Variants in FGF1 observed in about 807,000 individuals in gnomAD.
FGF1 encodes beta-endothelial cell growth factor.
FGF1 carries 9 observed loss-of-function variants against 13.4 expected under a neutral mutation model. The observed-to-expected ratio is 0.67, with a 90% CI of 0.40 to 1.17. FGF1 has a LOEUF of 1.17. FGF1 is among the 50% of genes most tolerant of loss of function. The pLI, the probability that FGF1 is intolerant of heterozygous loss-of-function variation, is 0.01. For missense variants in FGF1, 156 were observed against 192.7 expected, an observed-to-expected ratio of 0.81 and a Z score of 1.13; for synonymous variants, 93 against 79.0, an observed-to-expected ratio of 1.18 and a Z score of -0.94.
chr5:142,653,612 T>A (rs995412045), intron 1 of FGF1, among the ~76,000 whole-genome samples: 1 of 152,198 alleles, frequency 6.6e-6, no homozygotes, highest in Non-Finnish European at 1.5e-5. Context: ...CTACAGCGAA[T>A]TAACCCTGAC....
chr5:142,692,493 C>G (rs1224703251), intron 2 of FGF1, among the ~76,000 whole-genome samples: 2 of 152,098 alleles, frequency 1.3e-5, no homozygotes, highest in Non-Finnish European at 2.9e-5. Context: ...TCAGGCCTCC[C>G]CTGTAATGAT....
At chr5:142,692,112 C>T (rs1053996529) in intron 2 of FGF1, among the ~76,000 whole-genome samples, 1 of 152,146 alleles carries the variant, frequency 6.6e-6, no homozygotes, top group Admixed American at 6.5e-5. Context: ...AGGCAGATTG[C>T]TTGAGTCCAG....
chr5:142,599,088 G>C (rs563598900), intron 3 of FGF1, among the ~76,000 whole-genome samples: 1 of 152,152 alleles, frequency 6.6e-6, no homozygotes, highest in Non-Finnish European at 1.5e-5. Flanking sequence ...TGTGTGAGGC[G>C]GTTATGATCC....
chr5:142,596,531 C>T (rs558151005), intron 3 of FGF1, among the ~76,000 whole-genome samples: 1 of 149,978 alleles, frequency 6.7e-6, no homozygotes, highest in South Asian at 2.2e-4. Context: ...TTGCTTGAGC[C>T]CAGGAATTTG....
At chr5:142,649,528 T>C (rs535896591) in intron 1 of FGF1, among the ~76,000 whole-genome samples, 48 of 152,196 alleles carry the variant, frequency 3.2e-4, no homozygotes, top group African/African-American at 1.0e-3. Flanking sequence ...TGCCTCAGCC[T>C]CCTGAGTAGC....
chr5:142,657,065 G>A (rs1768297622), intron 1 of FGF1, among the ~76,000 whole-genome samples: 2 of 149,476 alleles, frequency 1.3e-5, no homozygotes, highest in South Asian at 2.1e-4. Flanking sequence ...TTATAGGCAT[G>A]TGCCACCACG....
chr5:142,617,010 T>G (rs1411651447), intron 1 of FGF1, among the ~76,000 whole-genome samples: 2 of 152,230 alleles, frequency 1.3e-5, no homozygotes, highest in African/African-American at 4.8e-5. Flanking sequence ...TCTCCTTGTC[T>G]CTGGACTTCC....
intron 1 of FGF1, among the ~76,000 whole-genome samples, chr5:142,656,003 C>G (rs1354523459): frequency 6.6e-6 from 1 of 152,214 alleles, no homozygotes; most frequent in African/African-American, 2.4e-5. Flanking sequence ...TTTCCTCACT[C>G]TGTGCCAAAG....
At chr5:142,688,346 C>T, upstream of FGF1, among the ~76,000 whole-genome samples, 1 of 152,098 alleles carries the variant, frequency 6.6e-6, no homozygotes, top group East Asian at 1.9e-4. Context: ...TTTTAAATAA[C>T]ATATATTGAG....
intron 1 of FGF1, among the ~76,000 whole-genome samples, chr5:142,634,354 G>C (rs533876899): frequency 6.6e-6 from 1 of 152,230 alleles, no homozygotes; most frequent in African/African-American, 2.4e-5. Flanking sequence ...GCTGAAATAA[G>C]AATCCAGCCA....
rs558491807 is a variant in FGF1, at chr5:142,592,493, C to T, written c.*2797G>A. 63 of 398,456 alleles carry T rather than the reference C, an allele frequency of 1.6e-4. No individual in the cohort carries two copies. Among genetic ancestry groups the T allele is most frequent in the Middle Eastern group, 1.3e-3 (2 of 1,588 alleles). 24.7% of individuals were successfully genotyped at this position (398,456 alleles called of 1,614,324 possible). The stretch of plus-strand genomic sequence containing the variant: ...ACCTCCACCACCATCACATTGCAAA[C>T]GACCAAAAGCACATATGTTCATGAT... On this transcript the variant is annotated 3_prime_UTR_variant, in exon 4 of 4. Coordinates refer to ENST00000337706, the MANE Select transcript of FGF1 (RefSeq NM_000800.5).
At chr5:142,622,863 C>T (rs79275392) in intron 1 of FGF1, among the ~76,000 whole-genome samples, 1,768 of 152,300 alleles carry the variant, frequency 0.012, 35 homozygotes, top group African/African-American at 0.04. Context: ...CAGCATGCTG[C>T]CCCCAAACCA....
At chr5:142,688,492 A>T (rs1473777246), upstream of FGF1, among the ~76,000 whole-genome samples, 1 of 152,232 alleles carries the variant, frequency 6.6e-6, no homozygotes, top group Non-Finnish European at 1.5e-5. Context: ...GCCTGGAAAT[A>T]GTCAGTGGAA....
intron 1 of FGF1, among the ~76,000 whole-genome samples, chr5:142,657,311 C>T (rs10063875): frequency 0.12 from 18,592 of 152,214 alleles, 2,337 homozygotes; most frequent in African/African-American, 0.32. Context: ...AGCCCCCAAA[C>T]TTGCTAAGTT....
intron 1 of FGF1, among the ~76,000 whole-genome samples, chr5:142,651,143 A>G (rs1767166718): frequency 6.6e-6 from 1 of 151,778 alleles, no homozygotes; most frequent in South Asian, 2.1e-4. Context: ...TGCAGTGATA[A>G]CCCAGGGGCA....
At chr5:142,641,863 G>T (rs1181649445) in intron 1 of FGF1, among the ~76,000 whole-genome samples, 17 of 150,438 alleles carry the variant, frequency 1.1e-4, no homozygotes, top group Admixed American at 1.1e-3. Context: ...CTGAGATCTT[G>T]AGAAATTAGG....
intron 1 of FGF1, among the ~76,000 whole-genome samples, chr5:142,645,290 G>C (rs894614948): frequency 6.6e-6 from 1 of 152,206 alleles, no homozygotes; most frequent in African/African-American, 2.4e-5. Flanking sequence ...AGTCATAGCA[G>C]GGCTTTTGAG....
intron 1 of FGF1, among the ~76,000 whole-genome samples, chr5:142,635,568 G>A (rs1460090403): frequency 6.6e-6 from 1 of 152,214 alleles, no homozygotes; most frequent in Non-Finnish European, 1.5e-5. Context: ...GCCTGACGCT[G>A]GAATTCCCAG....
At chr5:142,624,346 C>A (rs372847243) in intron 1 of FGF1, among the ~76,000 whole-genome samples, 4 of 152,240 alleles carry the variant, frequency 2.6e-5, no homozygotes, top group African/African-American at 9.6e-5. Context: ...GGATTACAGG[C>A]ATAAGCCATC....
Sources: gnomAD v4.1 joint callset for allele counts (sites outside exome capture counted in the v4.1 genomes callset) on GRCh38, gnomAD v4.1.1 for gene constraint, MANE v1.5 for transcripts, NCBI Gene and HGNC (gene_info 2026-07-23, HGNC 2026-07-21) for gene names.